The following MAPT variants were observed in gnomAD, a reference collection of about 807,000 sequenced individuals.
MAPT encodes microtubule associated protein tau.
In MAPT, 34 loss-of-function variants were observed where a neutral mutation model predicts 67.9. The ratio of observed to expected loss-of-function variants is 0.50; its 90% CI spans 0.38 to 0.67. The LOEUF (loss-of-function observed/expected upper bound fraction) is 0.67, where lower values mean the gene tolerates loss of function less well. Among genes scored for constraint, MAPT ranks in the 30% least tolerant of loss-of-function variants. The pLI is 0.00. For missense variants in MAPT, 881 were observed against 1,115.2 expected (o/e 0.79, Z 2.99); for synonymous variants, 456 against 464.5 (o/e 0.98, Z 0.23).
intron 2 of MAPT, among the ~76,000 whole-genome samples, chr17:45,970,825 C>A (rs1256022503): frequency 2.6e-5 from 4 of 152,226 alleles, no homozygotes; most frequent in African/African-American, 7.2e-5. Flanking sequence ...AGGACCCTAT[C>A]GGCTGGCCAT....
At position 45,999,588 on chromosome 17, in the gene MAPT, G is replaced by C. The variant is rs546222535; in HGVS notation, c.1998+2924G>C. 3.1e-6 allele frequency: 5 copies of C among 1,612,400 alleles called. No homozygotes were observed. In the South Asian group the frequency reaches 3.3e-5, roughly 11 times the overall value. ...CCATTGAAGGCCCCTTTCAGGGCCA[G>C]AACTGTCCCTCCCACCCTGCAGCTG... On this transcript the variant is annotated intron_variant, in intron 9 of 12. Transcript: ENST00000262410.
intron 4 of MAPT, among the ~76,000 whole-genome samples, chr17:45,981,299 G>T (rs2072924338): frequency 6.6e-6 from 1 of 152,188 alleles, no homozygotes; most frequent in Non-Finnish European, 1.5e-5. Flanking sequence ...GGTGTTCAAA[G>T]AGTTGGGAGT....
chr17:45,912,087 C>A (rs1317888931), intron 1 of MAPT, among the ~76,000 whole-genome samples: 1 of 152,214 alleles, frequency 6.6e-6, no homozygotes, highest in Non-Finnish European at 1.5e-5. Flanking sequence ...CCCCACCACA[C>A]AAGGAAGGGT....
intron 1 of MAPT, among the ~76,000 whole-genome samples, chr17:45,956,516 G>A (rs1000709314): frequency 2.7e-5 from 4 of 148,142 alleles, no homozygotes; most frequent in African/African-American, 1.0e-4. Context: ...GGCTCATCAC[G>A]TGAAACTCAT....
intron 1 of MAPT, among the ~76,000 whole-genome samples, chr17:45,921,359 C>T (rs1480707985): frequency 4.6e-5 from 7 of 152,198 alleles, no homozygotes; most frequent in African/African-American, 1.4e-4. Flanking sequence ...AGAAGACAAA[C>T]CTGGTCAGAG....
chr17:45,955,103 A>G (rs1194836873), intron 1 of MAPT, among the ~76,000 whole-genome samples: 1 of 152,246 alleles, frequency 6.6e-6, no homozygotes, highest in Non-Finnish European at 1.5e-5. Flanking sequence ...AAACGCAGTC[A>G]CGGGGAAGAG....
Position 45,931,235 on chromosome 17 carries a change from C to G in MAPT, c.-17-31086C>G, listed in dbSNP as rs190079305. ...CCAGCCATTTGACACCCAGCGCTGA[C>G]CTTTGTTTAACAACCTCACCTATAT... On this transcript the variant is annotated intron_variant, in intron 1 of 12. Coordinates refer to ENST00000262410, the MANE Select transcript of MAPT (RefSeq NM_001377265.1). 6.6e-5 allele frequency among the ~76,000 whole-genome samples: 10 copies of G among 152,238 alleles called. No homozygotes were observed. The East Asian group carries it at 1.9e-3, about 29-fold the overall frequency.
At chr17:46,004,670 C>A (rs1338617701) in intron 9 of MAPT, among the ~76,000 whole-genome samples, 1 of 152,178 alleles carries the variant, frequency 6.6e-6, no homozygotes, top group Non-Finnish European at 1.5e-5. Flanking sequence ...TAGTTCAGGT[C>A]TGCTTTGTAA....
chr17:45,977,862 A>G (rs1186642055), intron 3 of MAPT: 1 of 162,910 alleles, frequency 6.1e-6, no homozygotes, highest in South Asian at 1.7e-4. Flanking sequence ...ATCCTTCTAC[A>G]AGACAAACTA....
intron 1 of MAPT, among the ~76,000 whole-genome samples, chr17:45,921,551 C>G (rs1419191449): frequency 6.6e-6 from 1 of 152,160 alleles, no homozygotes; most frequent in African/African-American, 2.4e-5. Flanking sequence ...ACCCGGTGCC[C>G]CCATGCAGGG....
intron 1 of MAPT, among the ~76,000 whole-genome samples, chr17:45,912,959 C>G (rs2064905665): frequency 6.6e-6 from 1 of 152,192 alleles, no homozygotes; most frequent in Non-Finnish European, 1.5e-5. Flanking sequence ...GGCAGTCAGA[C>G]AGTTGTTCGT....
intron 4 of MAPT, among the ~76,000 whole-genome samples, 186 bp from the exon 5 acceptor site, chr17:45,982,680 A>G (rs1051991538): frequency 4.6e-5 from 7 of 152,140 alleles, no homozygotes; most frequent in Non-Finnish European, 8.8e-5. Flanking sequence ...GGTGGCGGCT[A>G]GACCAGGAGA....
intron 9 of MAPT, chr17:45,999,643 C>T: frequency 6.2e-7 from 1 of 1,607,026 alleles, no homozygotes; most frequent in Non-Finnish European, 8.5e-7. Flanking sequence ...GGGTGAGAGT[C>T]AGGCGACCTC....
chr17:45,960,833 A>G (rs2070316742), intron 1 of MAPT, among the ~76,000 whole-genome samples: 1 of 60,298 alleles, frequency 1.7e-5, no homozygotes, highest in South Asian at 1.1e-3. Context: ...TGGATTATTC[A>G]CAGGGGCCAA....
intron 1 of MAPT, among the ~76,000 whole-genome samples, chr17:45,926,157 G>T (rs2066267290): frequency 6.6e-6 from 1 of 151,876 alleles, no homozygotes; most frequent in Non-Finnish European, 1.5e-5. Context: ...GTTGCAGTGA[G>T]CCAAGATCGT....
intron 1 of MAPT, among the ~76,000 whole-genome samples, chr17:45,901,090 C>T (rs1352846377): frequency 1.3e-5 from 2 of 152,212 alleles, no homozygotes; most frequent in Non-Finnish European, 2.9e-5. Context: ...CTGCACCAAA[C>T]TGGGCAGAAG....
rs762794190 is a variant in MAPT, at chr17:45,999,495, C to A, written c.1998+2831C>A. ...AGGTTGGCTTGGAAGGTGTGGGCAC[C>A]ATTTGGCCCAGTTCTTACAGCTCTG... On this transcript the variant is annotated intron_variant, in intron 9 of 12. Transcript: ENST00000262410. The A allele has an allele frequency of 2.5e-6, 4 of 1,614,006 alleles. No individual in the cohort carries two copies. The East Asian group carries it at 6.7e-5, about 27-fold the overall frequency.
At chr17:45,956,028 G>C (rs62063263) in intron 1 of MAPT, among the ~76,000 whole-genome samples, 21,801 of 152,220 alleles carry the variant, frequency 0.14, 2,126 homozygotes, top group Non-Finnish European at 0.22. Context: ...GAGCCATGGG[G>C]CCTAGCCTCC....
At chr17:45,917,467 A>G (rs2065294528) in intron 1 of MAPT, among the ~76,000 whole-genome samples, 1 of 152,190 alleles carries the variant, frequency 6.6e-6, no homozygotes, top group South Asian at 2.1e-4. Flanking sequence ...CTGAATTCGA[A>G]TTATCTTTGC....
Sources: allele counts gnomAD v4.1 joint callset (sites outside exome capture counted in the v4.1 genomes callset), GRCh38; gene constraint gnomAD v4.1.1; transcripts MANE v1.5; gene names NCBI Gene and HGNC (gene_info 2026-07-23, HGNC 2026-07-21).